The following ANO1 variants were observed in gnomAD, a reference collection of about 807,000 sequenced individuals.
ANO1 encodes anoctamin 1.
In ANO1, 59 loss-of-function variants were observed where a neutral mutation model predicts 124.0. The ratio of observed to expected loss-of-function variants is 0.48; its 90% CI spans 0.39 to 0.59. ANO1 has a LOEUF of 0.59. ANO1 is among the 20% of genes least tolerant of loss of function. The probability of loss-of-function intolerance (pLI) is 0.00; values close to 1 mark genes in which losing one functional copy is unlikely to be tolerated. For missense variants in ANO1, 1,059 were observed against 1,328.0 expected (o/e 0.80, Z 3.15); for synonymous variants, 529 against 532.0 (o/e 0.99, Z 0.08).
At position 70,165,556 on chromosome 11, in the gene ANO1, C is replaced by G. The variant is rs1242442575; in HGVS notation, c.2037C>G (p.Phe679Leu). Residue 679 changes from phenylalanine (F) to leucine (L), a missense_variant, in exon 20 of 26, where the codon TTC (phenylalanine) becomes TTG (leucine). This residue lies in a region of ANO1 where 809 missense variants were observed against 1,094.9 expected (regional missense o/e 0.74). Coordinates refer to ENST00000355303, the MANE Select transcript of ANO1 (RefSeq NM_018043.7). ...AACAGCTGATCCAGAACAACCTGTT[C>G]GAGATCGGCATCCCGTGAGTGTGCT... ...LGKQLIQNNL[F>L]EIGIPKMKKL... is the part of the protein sequence containing the mutation. 3.7e-6 allele frequency: 6 copies of G among 1,610,876 alleles called. No individual in the cohort carries two copies. The highest frequency in any genetic ancestry group is 1.7e-5 in the Admixed American group (1 of 59,724).
chr11:70,012,512 A>ATCCCTCCATCCATCCATTGT (rs1555001279), intron 1 of ANO1, among the ~76,000 whole-genome samples: 1 of 145,278 alleles, frequency 6.9e-6, no homozygotes, highest in Non-Finnish European at 1.5e-5. Flanking sequence ...CCATTCTTTC[A>ATCCCTCCATCCATCCATTGT]TCCATCCATC....
Position 70,127,165 on chromosome 11 carries a change from G to C in ANO1, c.1097+970G>C, listed in dbSNP as rs968482676. Among the ~76,000 whole-genome samples, 4 of 151,334 alleles carry C rather than the reference G, an allele frequency of 2.6e-5. 1 individual carries two copies. Among genetic ancestry groups the C allele is most frequent in the African/African-American group, 7.3e-5 (3 of 41,110 alleles). ...AACGCTAGAGGCTTCGGTGCAGGCTGGTGCTTGCAGGAAGTGAGACATGAA... is the reference window on the plus strand; with the variant it reads ...AACGCTAGAGGCTTCGGTGCAGGCTCGTGCTTGCAGGAAGTGAGACATGAA... On this transcript the variant is annotated intron_variant, in intron 10 of 25. Transcript: ENST00000355303.
intron 1 of ANO1, among the ~76,000 whole-genome samples, chr11:70,081,083 G>A (rs941540773): frequency 6.6e-6 from 1 of 152,242 alleles, no homozygotes; most frequent in Non-Finnish European, 1.5e-5. Context: ...CACAAGATAA[G>A]TTCATCCAAT....
intron 1 of ANO1, among the ~76,000 whole-genome samples, chr11:70,041,795 A>G (rs782364982): frequency 2.0e-5 from 3 of 152,068 alleles, no homozygotes; most frequent in Admixed American, 6.5e-5. Context: ...ATTTTCTGTA[A>G]CCTGCAATGT....
intron 16 of ANO1, among the ~76,000 whole-genome samples, 197 bp downstream of exon 16, chr11:70,157,218 A>C (rs920428466): frequency 1.3e-5 from 2 of 151,966 alleles, no homozygotes; most frequent in African/African-American, 4.8e-5. Flanking sequence ...AAATGCAAAA[A>C]TTAGCTGGTG....
rs1291153349 is a variant in ANO1, at chr11:70,108,338, T to C, written c.748-15T>C. On this transcript the variant is annotated splice_polypyrimidine_tract_variant and intron_variant, in intron 5 of 25. Coordinates refer to ENST00000355303, the MANE Select transcript of ANO1 (RefSeq NM_018043.7). ...CTTAAGTAACTGCTCACCCCCCTTC[T>C]TGTCTCTGCAATAGGTCTATGAGAT... 2 of 1,606,310 alleles carry C rather than the reference T, an allele frequency of 1.2e-6. No individual in the cohort carries two copies. Among genetic ancestry groups the C allele is most frequent in the East Asian group, 2.2e-5 (1 of 44,738 alleles).
intron 12 of ANO1, among the ~76,000 whole-genome samples, chr11:70,150,500 G>A (rs1384922482): frequency 6.6e-6 from 1 of 152,154 alleles, no homozygotes; most frequent in Non-Finnish European, 1.5e-5. Context: ...GCTGTAAGGT[G>A]CAACCACACT....
intron 1 of ANO1, among the ~76,000 whole-genome samples, chr11:69,991,709 T>C (rs1554997515): frequency 1.3e-5 from 2 of 152,338 alleles, no homozygotes; most frequent in East Asian, 3.9e-4. Flanking sequence ...ACAGTTACAG[T>C]ACCAGAAATG....
chr11:70,122,307 G>A (rs111170233), intron 8 of ANO1, among the ~76,000 whole-genome samples: 8 of 39,174 alleles, frequency 2.0e-4, no homozygotes, highest in South Asian at 2.3e-3. Flanking sequence ...CATCTCCCCC[G>A]CCTCTCTCTG....
chr11:69,998,222 A>T (rs1015276440), intron 1 of ANO1, among the ~76,000 whole-genome samples: 1 of 152,346 alleles, frequency 6.6e-6, no homozygotes, highest in South Asian at 2.1e-4. Context: ...TAAGTGAACA[A>T]TTGGATCAAT....
intron 10 of ANO1, 85 bp from the exon 11 acceptor site, chr11:70,131,834 G>A (rs767304071): frequency 3.2e-5 from 48 of 1,484,786 alleles, no homozygotes; most frequent in Non-Finnish European, 4.2e-5. Flanking sequence ...TGGGCCCAGC[G>A]CTTTCTCCCA....
At chr11:70,096,550 T>C (rs1403452388) in intron 2 of ANO1, among the ~76,000 whole-genome samples, 3 of 152,152 alleles carry the variant, frequency 2.0e-5, no homozygotes, top group African/African-American at 4.8e-5. Flanking sequence ...GAGAATCTAA[T>C]GCCTGATGAT....
intron 2 of ANO1, among the ~76,000 whole-genome samples, chr11:70,089,659 A>C (rs1198841178): frequency 6.6e-6 from 1 of 152,076 alleles, no homozygotes; most frequent in Non-Finnish European, 1.5e-5. Context: ...TCAGGAAGCA[A>C]AGTTTGATCC....
At chr11:70,033,694 AG>A (rs1294554241) in intron 1 of ANO1, among the ~76,000 whole-genome samples, 2 of 152,098 alleles carry the variant, frequency 1.3e-5, no homozygotes, top group Non-Finnish European at 2.9e-5. Context: ...TGTATAGAGC[AG>A]GGGATGGCAA....
chr11:70,081,240 C>T (rs777605686), intron 1 of ANO1, among the ~76,000 whole-genome samples: 3 of 152,200 alleles, frequency 2.0e-5, no homozygotes, highest in Non-Finnish European at 4.4e-5. Context: ...GTTTCCATTT[C>T]CCTCTGTTAA....
intron 1 of ANO1, among the ~76,000 whole-genome samples, chr11:69,995,817 A>G (rs1856258701): frequency 6.6e-6 from 1 of 152,150 alleles, no homozygotes; most frequent in South Asian, 2.1e-4. Flanking sequence ...GAAGTACTGG[A>G]GATTTCAGGC....
intron 1 of ANO1, among the ~76,000 whole-genome samples, chr11:69,996,419 T>G (rs1244408909): frequency 6.6e-6 from 1 of 152,234 alleles, no homozygotes; most frequent in Admixed American, 6.5e-5. Context: ...GTGCCCTGAC[T>G]TCTACTGACC....
intron 1 of ANO1, among the ~76,000 whole-genome samples, chr11:70,061,330 A>T (rs782177759): frequency 6.6e-6 from 1 of 152,162 alleles, no homozygotes; most frequent in African/African-American, 2.4e-5. Context: ...AAAGCAGATC[A>T]TGAGAAAGGG....
In ANO1 at chr11:70,188,010, C is replaced by T. The variant is rs1390924215; in HGVS notation, c.*6C>T. 1.9e-6 allele frequency: 3 copies of T among 1,554,866 alleles called. No homozygotes were observed. In the South Asian group the frequency reaches 3.6e-5, roughly 18 times the overall value. On this transcript the variant is annotated 3_prime_UTR_variant, in exon 26 of 26. Transcript: ENST00000355303. The stretch of plus-strand genomic sequence containing the variant: ...ACCACGGGGGCGTCCTGTAGCTATG[C>T]CAGCGGGGCTGGGCAGGCCAGCCGG...
Sources: allele counts gnomAD v4.1 joint callset (sites outside exome capture counted in the v4.1 genomes callset), GRCh38; gene constraint gnomAD v4.1.1; regional missense constraint gnomAD v4.1.1; transcripts MANE v1.5; gene names NCBI Gene and HGNC (gene_info 2026-07-23, HGNC 2026-07-21).